SLC24A2: variants seen among roughly 807,000 people sequenced by gnomAD.
The protein encoded by SLC24A2 is solute carrier family 24 member 2.
Under a neutral mutation model 62.0 loss-of-function variants are expected in SLC24A2, and 36 were observed. The ratio of observed to expected loss-of-function variants is 0.58; its 90% CI spans 0.44 to 0.77. The LOEUF is 0.77. SLC24A2 is among the 30% of genes least tolerant of loss of function. SLC24A2 has a pLI of 0.00. For missense variants in SLC24A2, 846 were observed against 817.9 expected (o/e 1.03, Z -0.42); for synonymous variants, 358 against 294.0 (o/e 1.22, Z -2.23).
chr9:20,101,631 C>A, the SLC24A2 span, among the ~76,000 whole-genome samples: 4 of 152,064 alleles, frequency 2.6e-5, no homozygotes, highest in Non-Finnish European at 4.4e-5. Flanking sequence ...ACCAAGGAGG[C>A]CAAGGAGTTT....
intron 2 of SLC24A2, among the ~76,000 whole-genome samples, chr9:19,738,979 T>C (rs1209939218): frequency 1.3e-5 from 2 of 152,098 alleles, no homozygotes; most frequent in South Asian, 2.1e-4. Context: ...TAGCCAGGCA[T>C]GGTGGTGCGC....
At chr9:19,578,358 C>CAAAAAAAAAAAAA (rs3085616) in intron 5 of SLC24A2, among the ~76,000 whole-genome samples, 2 of 135,642 alleles carry the variant, frequency 1.5e-5, no homozygotes, top group Non-Finnish European at 3.1e-5. Context: ...TGCAATAAGC[C>CAAAAAAAAAAAAA]AAAAAAAAAA....
intron 8 of SLC24A2, among the ~76,000 whole-genome samples, chr9:19,544,255 C>CTTTTTTTTTTTTTTTTTTTTTTTTTTTT (rs375479154): frequency 8.1e-6 from 1 of 124,044 alleles, no homozygotes; most frequent in Non-Finnish European, 1.6e-5. Context: ...GCAACCCCTG[C>CTTTTTTTTTTTTTTTTTTTTTTTTTTTT]TTTTTTTTTT....
At chr9:19,551,207 C>T (rs1000897606) in intron 7 of SLC24A2, among the ~76,000 whole-genome samples, 1 of 152,208 alleles carries the variant, frequency 6.6e-6, no homozygotes, top group African/African-American at 2.4e-5. Context: ...GTACTTGCAG[C>T]CAAAGACAAC....
At chr9:20,233,511 G>C in the SLC24A2 span, among the ~76,000 whole-genome samples, 3 of 151,964 alleles carry the variant, frequency 2.0e-5, no homozygotes, top group Non-Finnish European at 2.9e-5. Context: ...GATCTTTCTT[G>C]GTTTAAAGTC....
At chr9:19,969,389 A>C in the SLC24A2 span, among the ~76,000 whole-genome samples, 1 of 152,138 alleles carries the variant, frequency 6.6e-6, no homozygotes, top group Non-Finnish European at 1.5e-5. Flanking sequence ...AACCAAAGTC[A>C]TTTCAGTCTC....
chr9:19,791,315 G>A (rs1823318099), upstream of SLC24A2, among the ~76,000 whole-genome samples: 2 of 152,222 alleles, frequency 1.3e-5, no homozygotes, highest in South Asian at 4.1e-4. Context: ...TTTTATTTAG[G>A]AAGGGATTCT....
chr9:19,679,598 T>C (rs1819656268), intron 2 of SLC24A2, among the ~76,000 whole-genome samples: 1 of 152,158 alleles, frequency 6.6e-6, no homozygotes, highest in African/African-American at 2.4e-5. Context: ...GTGCAATCTA[T>C]TGAGGGCCCA....
At chr9:20,007,667 A>T in the SLC24A2 span, among the ~76,000 whole-genome samples, 1 of 152,070 alleles carries the variant, frequency 6.6e-6, no homozygotes, top group Non-Finnish European at 1.5e-5. Flanking sequence ...TCTTCTCAAC[A>T]GTTACATCAG....
chr9:19,961,023 G>GGTGTGTGTGTGT, the SLC24A2 span, among the ~76,000 whole-genome samples: 14 of 141,716 alleles, frequency 9.9e-5, no homozygotes, highest in East Asian at 8.2e-4. Flanking sequence ...TAGAGGGGTG[G>GGTGTGTGTGTGT]GTGTGTGTGT....
At chr9:20,084,514 A>T in the SLC24A2 span, among the ~76,000 whole-genome samples, 3 of 41,302 alleles carry the variant, frequency 7.3e-5, no homozygotes, top group East Asian at 7.6e-4. Context: ...CCCCTCTCCC[A>T]CCCCTCTCCT....
In SLC24A2 at chr9:19,599,558, C is replaced by T. The variant is rs992735347; in HGVS notation, c.1079-2279G>A. On this transcript the variant is annotated intron_variant, in intron 4 of 10. Coordinates refer to ENST00000341998, the MANE Select transcript of SLC24A2 (RefSeq NM_020344.4). This position sits in a 1 kb window ranked among gnomAD's most constrained non-coding sequence, Gnocchi z 4.5. ...AGATGGAAACCAGCCTGCTAGAATA[C>T]GGTCTTTAGCACTAACAGCAACAGG... Among the ~76,000 whole-genome samples, 20 of 152,266 alleles carry T rather than the reference C, an allele frequency of 1.3e-4. No individual in the cohort carries two copies. The highest frequency in any genetic ancestry group is 1.9e-4 in the East Asian group (1 of 5,192).
chr9:20,258,323 G>C, the SLC24A2 span, among the ~76,000 whole-genome samples: 2,231 of 152,312 alleles, frequency 0.015, 28 homozygotes, highest in Non-Finnish European at 0.022. Context: ...TGTTCAAAGA[G>C]AAACACAGGT....
the SLC24A2 span, among the ~76,000 whole-genome samples, chr9:20,132,416 T>C: frequency 6.6e-6 from 1 of 152,148 alleles, no homozygotes; most frequent in Non-Finnish European, 1.5e-5. Flanking sequence ...CTTTAGGTTA[T>C]TTTGAACTTT....
At chr9:19,888,138 TA>T in the SLC24A2 span, among the ~76,000 whole-genome samples, 1 of 152,216 alleles carries the variant, frequency 6.6e-6, no homozygotes, top group Non-Finnish European at 1.5e-5. Flanking sequence ...AATTGGTTTT[TA>T]AAAAGTATCC....
the SLC24A2 span, among the ~76,000 whole-genome samples, chr9:20,237,664 T>G: frequency 5.3e-5 from 8 of 152,352 alleles, no homozygotes; most frequent in African/African-American, 1.9e-4. Flanking sequence ...CACCTGGCAC[T>G]GGGAAGCACT....
chr9:19,811,422 T>A, the SLC24A2 span, among the ~76,000 whole-genome samples: 2 of 152,376 alleles, frequency 1.3e-5, no homozygotes, highest in Admixed American at 6.5e-5. Context: ...TGGGTTCATT[T>A]ACATATAATG....
chr9:19,872,617 C>T, the SLC24A2 span, among the ~76,000 whole-genome samples: 1 of 152,110 alleles, frequency 6.6e-6, no homozygotes, highest in South Asian at 2.1e-4. Context: ...GGCCTTGATC[C>T]AGAACTCTGT....
intron 2 of SLC24A2, among the ~76,000 whole-genome samples, chr9:19,645,738 T>C (rs974391089): frequency 6.6e-6 from 1 of 152,176 alleles, no homozygotes; most frequent in African/African-American, 2.4e-5. Context: ...GCTTCTTATA[T>C]TGATTCTGCA....
Sources: gnomAD v4.1 joint callset for allele counts (sites outside exome capture counted in the v4.1 genomes callset) on GRCh38, gnomAD v4.1.1 for gene constraint, Gnocchi (gnomAD v3.1) non-coding constraint, MANE v1.5 for transcripts, NCBI Gene and HGNC (gene_info 2026-07-23, HGNC 2026-07-21) for gene names.